Variants in MYOF observed in about 807,000 individuals in gnomAD.
MYOF encodes the protein myoferlin, also known as fer-1-like 3, myoferlin.
Under a neutral mutation model 284.2 loss-of-function variants are expected in MYOF, and 244 were observed. The ratio of observed to expected loss-of-function variants is 0.86; its 90% CI spans 0.77 to 0.95. The LOEUF is 0.95. Among genes scored for constraint, MYOF ranks in the 40% least tolerant of loss-of-function variants. The pLI is 0.00. For missense variants in MYOF, 2,496 were observed against 2,560.6 expected (o/e 0.97, Z 0.54); for synonymous variants, 904 against 919.7 (o/e 0.98, Z 0.31).
chr10:93,444,427 G>T (rs181646278), intron 3 of MYOF, among the ~76,000 whole-genome samples: 1 of 152,198 alleles, frequency 6.6e-6, no homozygotes, highest in African/African-American at 2.4e-5. Flanking sequence ...GCTACATATA[G>T]CAGGTGTGTG....
At chr10:93,370,590 C>T (rs1845543461) in intron 24 of MYOF, among the ~76,000 whole-genome samples, 1 of 152,160 alleles carries the variant, frequency 6.6e-6, no homozygotes, top group Non-Finnish European at 1.5e-5. Flanking sequence ...GCTGGGATGA[C>T]AGGCGTACAC....
intron 3 of MYOF, among the ~76,000 whole-genome samples, chr10:93,440,470 C>A (rs1233081534): frequency 6.6e-6 from 1 of 152,084 alleles, no homozygotes; most frequent in Admixed American, 6.5e-5. Context: ...CCAGCACCCA[C>A]TCAGACCTCA....
chr10:93,409,973 A>T (rs1847831776), intron 5 of MYOF, among the ~76,000 whole-genome samples: 1 of 152,232 alleles, frequency 6.6e-6, no homozygotes. Context: ...GCCTTCGAAG[A>T]GACCAAGAGA....
In MYOF at chr10:93,397,425, T is replaced by C. The variant is rs1424781762; in HGVS notation, c.1253A>G (p.Asn418Ser). ...VCTNIIEKNANPEWNQVVNLQ... is the reference protein window; with the variant it reads ...VCTNIIEKNASPEWNQVVNLQ... ...ATTGACGACCTGATTCCACTCTGGGTTTGCATTTTTCTCAATTATGTTTGT... is the reference window on the plus strand; with the variant it reads ...ATTGACGACCTGATTCCACTCTGGGCTTGCATTTTTCTCAATTATGTTTGT... The change falls in exon 14 of 54, where the codon AAC (asparagine) becomes AGC (serine). Residue 418 changes from asparagine (N) to serine (S), a missense_variant. Around this residue, in one of 3 missense-constraint regions of MYOF, gnomAD observed 2,436 missense variants for 2,480.7 expected, o/e 0.98. Transcript: ENST00000359263. The C allele has an allele frequency of 1.2e-5, 20 of 1,611,082 alleles. No homozygotes were observed. The highest frequency in any genetic ancestry group is 1.6e-5 in the Non-Finnish European group (19 of 1,179,410).
At chr10:93,362,066 A>G (rs1220643319) in intron 27 of MYOF, among the ~76,000 whole-genome samples, 1 of 150,864 alleles carries the variant, frequency 6.6e-6, no homozygotes, top group Non-Finnish European at 1.5e-5. Context: ...CTCCTGCCTT[A>G]ACCTCTTGAG....
intron 32 of MYOF, 31 bp from the exon 33 acceptor site, chr10:93,351,877 C>A (rs1844537919): frequency 6.4e-7 from 1 of 1,557,202 alleles, no homozygotes; most frequent in Middle Eastern, 1.7e-4. Context: ...AACAACGGGG[C>A]CACGGCTAAA....
chr10:93,372,796 G>T, intron 24 of MYOF, 134 bp downstream of exon 24: 1 of 1,051,178 alleles, frequency 9.5e-7, no homozygotes, highest in Non-Finnish European at 1.4e-6. Flanking sequence ...CCAGAGAGAG[G>T]GACCAGGATG....
intron 30 of MYOF, among the ~76,000 whole-genome samples, chr10:93,356,115 C>T (rs1844791366): frequency 6.6e-6 from 1 of 152,172 alleles, no homozygotes; most frequent in Non-Finnish European, 1.5e-5. Flanking sequence ...GAAATACAAA[C>T]ATAGGCTGTT....
At position 93,432,977 on chromosome 10, in the gene MYOF, A is replaced by G. The variant is rs955779504; in HGVS notation, c.237-1461T>C. 1.1e-4 allele frequency among the ~76,000 whole-genome samples: 17 copies of G among 152,334 alleles called. No individual in the cohort carries two copies. The South Asian group carries it at 2.7e-3, about 24-fold the overall frequency. ...ATATAGAACACACATTAGCCAGTCT[A>G]TATAAAAATGTAACCTGTGAAAAAG... On this transcript the variant is annotated intron_variant, in intron 3 of 53. Transcript: ENST00000359263.
At chr10:93,462,726 A>G in intron 1 of MYOF, among the ~76,000 whole-genome samples, 1 of 151,570 alleles carries the variant, frequency 6.6e-6, no homozygotes. Context: ...TCTCACACAT[A>G]AACACATCAG....
At position 93,373,035 on chromosome 10, in the gene MYOF, C is replaced by T. The variant is rs1351988760; in HGVS notation, c.2352G>A (p.Lys784=). ...DIIIWMIRGE[K]RLAYARIPAH... is the part of the protein sequence containing the mutation. ...CGGGAATTCGTGCATAGGCCAGTCTCTTCTCTCCCCGGATCATCCAGATGA... is the reference window on the plus strand; with the variant it reads ...CGGGAATTCGTGCATAGGCCAGTCTTTTCTCTCCCCGGATCATCCAGATGA... The change falls in exon 24 of 54, where the codon AAG becomes AAA. Residue 784 remains lysine (K), a synonymous_variant. Coordinates refer to ENST00000359263, the MANE Select transcript of MYOF (RefSeq NM_013451.4). 4 of 1,614,188 alleles carry T rather than the reference C, an allele frequency of 2.5e-6. No homozygotes were observed. The Admixed American group carries it at 5.0e-5, about 20-fold the overall frequency.
At chr10:93,389,779 C>G (rs183440883) in intron 17 of MYOF, among the ~76,000 whole-genome samples, 1 of 152,080 alleles carries the variant, frequency 6.6e-6, no homozygotes, top group Non-Finnish European at 1.5e-5. Flanking sequence ...CAAGACAACT[C>G]CTCAATGAAG....
chr10:93,400,490 G>A (rs60402382), intron 12 of MYOF, among the ~76,000 whole-genome samples: 1 of 152,046 alleles, frequency 6.6e-6, no homozygotes, highest in African/African-American at 2.4e-5. Flanking sequence ...TTGAGAGAAA[G>A]GTGGGTATGG....
At chr10:93,419,321 C>G (rs528124578) in intron 5 of MYOF, among the ~76,000 whole-genome samples, 1 of 152,106 alleles carries the variant, frequency 6.6e-6, no homozygotes, top group Non-Finnish European at 1.5e-5. Flanking sequence ...TGCAACCACG[C>G]CCGGCTAATT....
Position 93,364,007 on chromosome 10 carries a change from T to C in MYOF, c.2822A>G (p.Tyr941Cys), listed in dbSNP as rs746735595. The C allele has an allele frequency of 1.2e-6, 2 of 1,613,926 alleles. No individual in the cohort carries two copies. ...GGCCGGCTTCCAGTCGCCCCCGGGGTAGCGGCTCTCGTTCTGATAGACTTC... is the reference window on the plus strand; with the variant it reads ...GGCCGGCTTCCAGTCGCCCCCGGGGCAGCGGCTCTCGTTCTGATAGACTTC... ...TDEVYQNESR[Y>C]PGGDWKPAED... Residue 941 changes from tyrosine (Y) to cysteine (C), a missense_variant, in exon 27 of 54, where the codon TAC becomes TGC. Tyr to Cys is a radical substitution (Grantham distance 194). This residue lies in a region of MYOF where 2,436 missense variants were observed against 2,480.7 expected (regional missense o/e 0.98). Transcript: ENST00000359263.
At chr10:93,351,131 C>T in intron 35 of MYOF, 66 bp downstream of exon 35, 4 of 1,502,688 alleles carry the variant, frequency 2.7e-6, no homozygotes, top group Non-Finnish European at 3.7e-6. Context: ...ATGTTCTATA[C>T]AAAAGATTCC....
At chr10:93,386,194 C>T (rs80281384) in intron 19 of MYOF, among the ~76,000 whole-genome samples, 7,794 of 152,264 alleles carry the variant, frequency 0.051, 225 homozygotes, top group Middle Eastern at 0.092. Flanking sequence ...CATGTGTCTC[C>T]ACGGAGGCCT....
At chr10:93,321,004 T>C (rs966137709) in intron 48 of MYOF, among the ~76,000 whole-genome samples, 2 of 152,086 alleles carry the variant, frequency 1.3e-5, no homozygotes, top group African/African-American at 4.8e-5. Context: ...ACAGAAAAGA[T>C]TATGGTTTAG....
At chr10:93,342,566 A>G (rs1208768526) in intron 38 of MYOF, among the ~76,000 whole-genome samples, 1 of 152,240 alleles carries the variant, frequency 6.6e-6, no homozygotes, top group Non-Finnish European at 1.5e-5. Flanking sequence ...CTGAACTTTC[A>G]TAAAGTGTTG....
Sources: allele counts gnomAD v4.1 joint callset (sites outside exome capture counted in the v4.1 genomes callset), GRCh38; gene constraint gnomAD v4.1.1; regional missense constraint gnomAD v4.1.1; transcripts MANE v1.5; gene names NCBI Gene and HGNC (gene_info 2026-07-23, HGNC 2026-07-21).